The following ASB6 variants were observed in gnomAD, a reference collection of about 807,000 sequenced individuals.
ASB6 encodes the protein ankyrin repeat and SOCS box containing 6, also known as ankyrin repeat and SOCS box protein 6.
Under a neutral mutation model 28.6 loss-of-function variants are expected in ASB6, and 24 were observed. That is an observed-to-expected ratio of 0.84 (90% CI 0.61 to 1.18). The LOEUF (loss-of-function observed/expected upper bound fraction) is 1.18, where lower values mean the gene tolerates loss of function less well. ASB6 is among the 50% of genes most tolerant of loss of function. ASB6 has a pLI of 0.00. For missense variants in ASB6, 519 were observed against 559.8 expected (o/e 0.93, Z 0.74); for synonymous variants, 267 against 243.4 (o/e 1.10, Z -0.90).
At chr9:129,640,478 G>T in intron 2 of ASB6, 63 bp downstream of exon 2, 1 of 1,543,726 alleles carries the variant, frequency 6.5e-7, no homozygotes, top group South Asian at 1.2e-5. Flanking sequence ...CTGGGGACAT[G>T]GGCGCCCACC....
intron 4 of ASB6, among the ~76,000 whole-genome samples, 166 bp downstream of exon 4, chr9:129,639,036 T>G (rs986709285): frequency 6.6e-6 from 1 of 152,256 alleles, no homozygotes; most frequent in Non-Finnish European, 1.5e-5. Flanking sequence ...CTGAAGCCTC[T>G]GAGCTCAGCA....
rs1312361536 is a variant in ASB6, at chr9:129,636,384, C to CTT, written c.*1405_*1406insAA. The stretch of plus-strand genomic sequence containing the variant: ...CCAGCCTAGGTGACAGAGCGAGACT[C>CTT]TGTCTCAAAATAAAACTAAAATAAA... On this transcript the variant is annotated 3_prime_UTR_variant, in exon 6 of 6. Coordinates refer to ENST00000277458, the MANE Select transcript of ASB6 (RefSeq NM_017873.4). 1 of 145,970 alleles carries CTT rather than the reference C, an allele frequency of 6.9e-6. No homozygotes were observed. The highest frequency in any genetic ancestry group is 1.5e-5 in the Non-Finnish European group (1 of 66,696). 9.0% of individuals were successfully genotyped at this position (145,970 alleles called of 1,614,324 possible).
Position 129,638,408 on chromosome 9 carries a change from G to T in ASB6, c.648C>A (p.Cys216Ter). ...CGGTCTCACCAAGCAGGAAGATGAT[G>T]CAGGTGAACACTGTGTCCCCATCTT... ...TTKDGDTVFT[C>*]IIFLLGETVG... The change falls in exon 6 of 6, where the codon TGC becomes TGA. Residue 216 changes from cysteine to a stop codon, truncating the protein, a stop_gained. Transcript: ENST00000277458. LOFTEE classifies it high-confidence loss of function. The T allele has an allele frequency of 6.2e-7, 1 of 1,613,732 alleles. No homozygotes were observed.
rs1588147016 is a variant in ASB6 at position 129,635,551 on chromosome 9, T to C, written c.*2239A>G. 4.1e-6 allele frequency: 6 copies of C among 1,465,078 alleles called. No homozygotes were observed. In the East Asian group the frequency reaches 9.1e-5, roughly 22 times the overall value. 90.8% of individuals were successfully genotyped at this position (1,465,078 alleles called of 1,614,324 possible). On this transcript the variant is annotated 3_prime_UTR_variant, in exon 6 of 6. Transcript: ENST00000277458. ...CAAGATCCAGGCGCCACGCTGGCGG[T>C]TCGTGAGTGTCGAGGCACCACTAAA...
In ASB6 at chr9:129,635,639, C is replaced by T. The variant is rs1273890923; in HGVS notation, c.*2151G>A. 20 of 785,856 alleles carry T rather than the reference C, an allele frequency of 2.5e-5. No homozygotes were observed. Among genetic ancestry groups the T allele is most frequent in the South Asian group, 1.0e-4 (6 of 57,234 alleles). The allele number at this position is 785,856 out of a possible 1,614,324, so 48.7% of individuals were successfully genotyped here. ...CTTCAAAAGGCAAGGTGGGACCCGG[C>T]GGGGAGGGTGCTGCTGAACCAGCGG... On this transcript the variant is annotated 3_prime_UTR_variant, in exon 6 of 6. Coordinates refer to ENST00000277458, the MANE Select transcript of ASB6 (RefSeq NM_017873.4).
In ASB6 at chr9:129,638,402, G is replaced by T. The variant is rs774556364; in HGVS notation, c.654C>A (p.Ile218=). The T allele has an allele frequency of 1.9e-6, 3 of 1,613,848 alleles. No individual in the cohort carries two copies. The highest frequency in any genetic ancestry group is 1.7e-5 in the Admixed American group (1 of 60,022). The change falls in exon 6 of 6, where the codon ATC becomes ATA. Residue 218 remains isoleucine (I), a synonymous_variant. Transcript: ENST00000277458. The stretch of plus-strand genomic sequence containing the variant: ...CTCCCACGGTCTCACCAAGCAGGAA[G>T]ATGATGCAGGTGAACACTGTGTCCC... ...KDGDTVFTCI[I]FLLGETVGGD...
Position 129,635,587 on chromosome 9 carries a change from T to G in ASB6, c.*2203A>C, listed in dbSNP as rs1564351886. The G allele has an allele frequency of 8.5e-7, 1 of 1,182,162 alleles. No individual in the cohort carries two copies. Among genetic ancestry groups the G allele is most frequent in the Non-Finnish European group, 1.2e-6 (1 of 840,826 alleles). 73.2% of individuals were successfully genotyped at this position (1,182,162 alleles called of 1,614,324 possible). A position where few individuals can be genotyped will look rare whatever the true frequency, so the allele number is the denominator to read the frequency against. The stretch of plus-strand genomic sequence containing the variant: ...CGAGGCACCACTAAATATAGCTGTC[T>G]GCCGTCCACTCATTATGCGGGCTCT... On this transcript the variant is annotated 3_prime_UTR_variant, in exon 6 of 6. Transcript: ENST00000277458.
Position 129,637,575 on chromosome 9 carries a change from C to G in ASB6, c.*215G>C. On this transcript the variant is annotated 3_prime_UTR_variant, in exon 6 of 6. Transcript: ENST00000277458. ...AACATGGGGGGGACTTGGAGTGCCG[C>G]TGGAGGGAAGGGGGCAGTCTCTCTG... 2.4e-6 allele frequency: 1 copy of G among 421,670 alleles called. No individual in the cohort carries two copies. The highest frequency in any genetic ancestry group is 4.1e-6 in the Non-Finnish European group (1 of 242,868). The allele number at this position is 421,670 out of a possible 1,614,324, so 26.1% of individuals were successfully genotyped here.
chr9:129,639,617 G>A, intron 2 of ASB6, 109 bp from the exon 3 acceptor site: 1 of 933,986 alleles, frequency 1.1e-6, no homozygotes, highest in African/African-American at 1.6e-5. Context: ...CAGAAGCACA[G>A]GCCCAGCCTC....
At chr9:129,641,814 G>A (rs946981758) in intron 1 of ASB6, 73 bp downstream of exon 1, 1 of 1,425,756 alleles carries the variant, frequency 7.0e-7, no homozygotes, top group Non-Finnish European at 9.4e-7. Context: ...CACCCCGCCC[G>A]GCTTGTGGTG....
chr9:129,637,207 C>CT lies in ASB6; in HGVS notation c.*582dup, dbSNP rs1175847304. ...ACAGTTCTGGTAGGTGGGGCCACGG[C>CT]TGACCTGGCCCCAGAGCTACAGGAA... On this transcript the variant is annotated 3_prime_UTR_variant, in exon 6 of 6. Coordinates refer to ENST00000277458, the MANE Select transcript of ASB6 (RefSeq NM_017873.4). 3 of 152,276 alleles carry CT rather than the reference C, an allele frequency of 2.0e-5. No homozygotes were observed. Among genetic ancestry groups the CT allele is most frequent in the Non-Finnish European group, 4.4e-5 (3 of 68,050 alleles). The allele number at this position is 152,276 out of a possible 1,614,324, so 9.4% of individuals were successfully genotyped here. A position where few individuals can be genotyped will look rare whatever the true frequency, so the allele number is the denominator to read the frequency against.
Position 129,635,750 on chromosome 9 carries a change from A to G in ASB6, c.*2040T>C. ...GGCTCCTGGTGCTCCCCATGTGGGAATAGGGTGGCCACATCAGTAACCGAT... is the reference window on the plus strand; with the variant it reads ...GGCTCCTGGTGCTCCCCATGTGGGAGTAGGGTGGCCACATCAGTAACCGAT... On this transcript the variant is annotated 3_prime_UTR_variant, in exon 6 of 6. Coordinates refer to ENST00000277458, the MANE Select transcript of ASB6 (RefSeq NM_017873.4). 3 of 377,106 alleles carry G rather than the reference A, an allele frequency of 8.0e-6. No homozygotes were observed. The South Asian group carries it at 1.1e-4, about 14-fold the overall frequency. The allele number at this position is 377,106 out of a possible 1,614,324, so 23.4% of individuals were successfully genotyped here. A position where few individuals can be genotyped will look rare whatever the true frequency, so the allele number is the denominator to read the frequency against.
In ASB6 at chr9:129,637,804, C is replaced by T. The variant is rs765516002; in HGVS notation, c.1252G>A (p.Glu418Lys). The T allele has an allele frequency of 6.6e-7, 1 of 1,512,518 alleles. No homozygotes were observed. Among genetic ancestry groups the T allele is most frequent in the Non-Finnish European group, 8.8e-7 (1 of 1,130,946 alleles). The allele number at this position is 1,512,518 out of a possible 1,614,324, so 93.7% of individuals were successfully genotyped here. A position where few individuals can be genotyped will look rare whatever the true frequency, so the allele number is the denominator to read the frequency against. Residue 418 changes from glutamate to lysine, a missense_variant, in exon 6 of 6, where the codon GAA (glutamate) becomes AAA (lysine). Coordinates refer to ENST00000277458, the MANE Select transcript of ASB6 (RefSeq NM_017873.4). ...CCTGAGACCTATCAGATGTCATCTTCCACGGAGCCACTGTGCTCGCTAAGG... is the reference window on the plus strand; with the variant it reads ...CCTGAGACCTATCAGATGTCATCTTTCACGGAGCCACTGTGCTCGCTAAGG... The part of the protein sequence containing the change: ...YLLSEHSGSV[E>K]DDI
At position 129,638,298 on chromosome 9, in the gene ASB6, G is replaced by A. The variant is rs1450001767; in HGVS notation, c.758C>T (p.Pro253Leu). 1 of 1,612,806 alleles carries A rather than the reference G, an allele frequency of 6.2e-7. No individual in the cohort carries two copies. The highest frequency in any genetic ancestry group is 8.5e-7 in the Non-Finnish European group (1 of 1,180,040). The change falls in exon 6 of 6, where the codon CCC (proline) becomes CTC (leucine). Residue 253 changes from proline to leucine, a missense_variant. Physicochemically the swap from Pro to Leu is moderately conservative, Grantham distance 98. Coordinates refer to ENST00000277458, the MANE Select transcript of ASB6 (RefSeq NM_017873.4). ...TRLLLAHGAD[P>L]SECPAHESLT... ...GGACTCGTGGGCTGGGCACTCGCTG[G>A]GGTCGGCCCCGTGTGCCAGCAGCAG...
chr9:129,642,118 C>G lies in ASB6; in HGVS notation c.-119G>C, dbSNP rs1225876144. On this transcript the variant is annotated 5_prime_UTR_variant, in exon 1 of 6. Coordinates refer to ENST00000277458, the MANE Select transcript of ASB6 (RefSeq NM_017873.4). This position sits in a 1 kb window ranked among gnomAD's most constrained non-coding sequence, Gnocchi z 4.3. The stretch of plus-strand genomic sequence containing the variant: ...ACCTGCTCCGCCAGTCCAGCCCCTG[C>G]GCCCGGCCGGGTCCGCTCCTCAGTC... The G allele has an allele frequency of 7.4e-7, 1 of 1,343,236 alleles. No individual in the cohort carries two copies. Among genetic ancestry groups the G allele is most frequent in the African/African-American group, 1.5e-5 (1 of 64,670 alleles). 83.2% of individuals were successfully genotyped at this position (1,343,236 alleles called of 1,614,324 possible).
At position 129,638,582 on chromosome 9, in the gene ASB6, G is replaced by T. The variant is rs1448100935; in HGVS notation, c.589C>A (p.Leu197Met). 6.2e-7 allele frequency: 1 copy of T among 1,614,010 alleles called. No individual in the cohort carries two copies. Among genetic ancestry groups the T allele is most frequent in the Admixed American group, 1.7e-5 (1 of 59,962 alleles). Residue 197 changes from leucine to methionine, a missense_variant, in exon 5 of 6, where the codon CTG becomes ATG. Transcript: ENST00000277458. ...AGCGCGCCAGCCTCACCTCCTTCCAGTAAGAGACGAATGTTCTCAGTATTG... is the reference window on the plus strand; with the variant it reads ...AGCGCGCCAGCCTCACCTCCTTCCATTAAGAGACGAATGTTCTCAGTATTG... ...IHNTENIRLL[L>M]EGGADVKATT...
In ASB6 at chr9:129,641,969, T is replaced by A; in HGVS notation, c.31A>T (p.Ile11Phe). Residue 11 changes from isoleucine to phenylalanine, a missense_variant, in exon 1 of 6, where the codon ATC (isoleucine) becomes TTC (phenylalanine). By Grantham distance (21) the Ile-to-Phe change is conservative. Coordinates refer to ENST00000277458, the MANE Select transcript of ASB6 (RefSeq NM_017873.4). ...TCCACCAGCGGCTGGTACTCGAAGA[T>A]GATCCTCCGGAAGCCGTGCAGGAAC... is the stretch of plus-strand genomic sequence containing the variant. The part of the protein sequence containing the change: MPFLHGFRRI[I>F]FEYQPLVDAI... 1.2e-6 allele frequency: 2 copies of A among 1,604,028 alleles called. No homozygotes were observed. Among genetic ancestry groups the A allele is most frequent in the Non-Finnish European group, 1.7e-6 (2 of 1,176,366 alleles).
At chr9:129,638,748 CAG>C (rs1359735992) in intron 4 of ASB6, 89 bp from the exon 5 acceptor site, 2 of 1,026,768 alleles carry the variant, frequency 1.9e-6, no homozygotes, top group African/African-American at 3.2e-5. Flanking sequence ...TCCAGACACT[CAG>C]AGGATCAGAA....
Position 129,638,041 on chromosome 9 carries a change from T to C in ASB6, c.1015A>G (p.Lys339Glu). The C allele has an allele frequency of 6.2e-7, 1 of 1,614,168 alleles. No individual in the cohort carries two copies. The highest frequency in any genetic ancestry group is 8.5e-7 in the Non-Finnish European group (1 of 1,180,028). The change falls in exon 6 of 6, where the codon AAA (lysine) becomes GAA (glutamate). Residue 339 changes from lysine (K) to glutamate (E), a missense_variant. Coordinates refer to ENST00000277458, the MANE Select transcript of ASB6 (RefSeq NM_017873.4). ...VLDLMVTNSQ[K>E]LQLPENFDIH... ...TCGAAGTTTTCGGGCAGCTGGAGTT[T>C]CTGAGAGTTGGTCACCATGAGATCC...
Sources: allele counts gnomAD v4.1 joint callset (sites outside exome capture counted in the v4.1 genomes callset), GRCh38; gene constraint gnomAD v4.1.1; non-coding constraint Gnocchi (gnomAD v3.1); transcripts MANE v1.5; gene names NCBI Gene and HGNC (gene_info 2026-07-23, HGNC 2026-07-21).